TMPRSS9: variants seen among roughly 807,000 people sequenced by gnomAD.
TMPRSS9 encodes transmembrane serine protease 9, also known as transmembrane protease serine 9.
TMPRSS9 carries 113 observed loss-of-function variants against 111.4 expected under a neutral mutation model. The ratio of observed to expected loss-of-function variants is 1.01; its 90% CI spans 0.87 to 1.19. TMPRSS9 has a LOEUF of 1.19. Ranked by LOEUF, TMPRSS9 falls within the 50% of genes most tolerant of loss-of-function variation. TMPRSS9 has a pLI of 0.00. For synonymous variants in TMPRSS9, 805 were observed against 659.1 expected (o/e 1.22, Z -3.39); for missense variants, 1,803 against 1,513.1 (o/e 1.19, Z -3.18).
At chr19:2,395,895 C>G (rs973283940) in intron 1 of TMPRSS9, among the ~76,000 whole-genome samples, 1 of 151,944 alleles carries the variant, frequency 6.6e-6, no homozygotes, top group Non-Finnish European at 1.5e-5. Flanking sequence ...GTAGTCCCAG[C>G]TACTCGGGAG....
intron 1 of TMPRSS9, among the ~76,000 whole-genome samples, chr19:2,394,604 G>C (rs140507923): frequency 1.4e-5 from 1 of 72,130 alleles, no homozygotes; most frequent in East Asian, 4.5e-4. Flanking sequence ...TGTTTCTTTA[G>C]TTTCTTGAAC....
At chr19:2,385,109 A>G (rs1331271103), upstream of TMPRSS9, among the ~76,000 whole-genome samples, 1 of 147,506 alleles carries the variant, frequency 6.8e-6, no homozygotes, top group Admixed American at 7.0e-5. Flanking sequence ...TGGCCCATCC[A>G]TTGGTGAGAA....
chr19:2,379,681 T>TTC (rs1320308733), intron 1 of TMPRSS9, among the ~76,000 whole-genome samples: 15 of 79,174 alleles, frequency 1.9e-4, no homozygotes, highest in African/African-American at 4.5e-4. Context: ...TTCTTTCTCT[T>TTC]TTTCTTTCTT....
At chr19:2,400,847 G>C (rs536428725) in intron 4 of TMPRSS9, among the ~76,000 whole-genome samples, 1 of 151,260 alleles carries the variant, frequency 6.6e-6, no homozygotes, top group African/African-American at 2.4e-5. Context: ...GGTGGCGGGC[G>C]CCTATAATCC....
At chr19:2,415,840 C>A in exon 11 of TMPRSS9, 1 of 1,581,448 alleles carries the variant, frequency 6.3e-7, no homozygotes, top group East Asian at 2.3e-5. Context: ...CTGCTTCAAC[C>A]AGTAAGGCCC....
intron 1 of TMPRSS9, among the ~76,000 whole-genome samples, chr19:2,391,740 C>T (rs1216260170): frequency 5.9e-4 from 79 of 132,970 alleles, no homozygotes; most frequent in South Asian, 2.1e-3. Flanking sequence ...GAAAGGAAGT[C>T]TTTTTTTTTT....
intron 1 of TMPRSS9, among the ~76,000 whole-genome samples, chr19:2,374,244 C>G (rs1970312250): frequency 8.5e-6 from 1 of 117,646 alleles, no homozygotes; most frequent in Non-Finnish European, 1.8e-5. Flanking sequence ...TTTCTCTCAA[C>G]AATCTTTTTT....
intron 1 of TMPRSS9, among the ~76,000 whole-genome samples, chr19:2,394,739 G>C (rs558515972): frequency 6.6e-6 from 1 of 152,064 alleles, no homozygotes; most frequent in African/African-American, 2.4e-5. Flanking sequence ...AGCTTTCACG[G>C]TTTACGCGGT....
In TMPRSS9 at chr19:2,375,591, G is replaced by A. The variant is rs563720554; in HGVS notation, c.-25-14170G>A. On this transcript the variant is annotated intron_variant, in intron 1 of 17. Coordinates refer to the TMPRSS9 transcript ENST00000649857. ...GATTGGCAGGCCAGGGTCCAGTGTG[G>A]ACCAATCACTGGCTGGAGATGGAAG... Among the ~76,000 whole-genome samples, 3 of 152,266 alleles carry A rather than the reference G, an allele frequency of 2.0e-5. 1 individual carries two copies. The Middle Eastern group carries it at 0.01, about 518-fold the overall frequency.
chr19:2,404,020 T>C (rs1166567333), intron 6 of TMPRSS9, among the ~76,000 whole-genome samples: 1 of 143,730 alleles, frequency 7.0e-6, no homozygotes, highest in African/African-American at 2.6e-5. Flanking sequence ...GAAAAAAAAA[T>C]TAGCCAGCGT....
At chr19:2,368,458 G>A (rs1029019867) in intron 1 of TMPRSS9, among the ~76,000 whole-genome samples, 1 of 152,330 alleles carries the variant, frequency 6.6e-6, no homozygotes, top group Non-Finnish European at 1.5e-5. Flanking sequence ...GATCGGCGAG[G>A]AGGCCAGTGA....
chr19:2,363,589 G>A (rs551462375), intron 1 of TMPRSS9, among the ~76,000 whole-genome samples: 2 of 151,962 alleles, frequency 1.3e-5, no homozygotes, highest in Non-Finnish European at 2.9e-5. Flanking sequence ...GCAACTGTGG[G>A]TGATGGAGCT....
chr19:2,398,924 G>A, intron 3 of TMPRSS9, 62 bp downstream of exon 4: 10 of 1,529,862 alleles, frequency 6.5e-6, no homozygotes, highest in South Asian at 2.4e-5. Flanking sequence ...TTCTGGAGGA[G>A]TCCAGAAAAG....
chr19:2,393,642 G>A (rs1970646208), intron 1 of TMPRSS9, among the ~76,000 whole-genome samples: 1 of 152,134 alleles, frequency 6.6e-6, no homozygotes, highest in Non-Finnish European at 1.5e-5. Context: ...GCTCACCCCG[G>A]TAATCCCAGC....
chr19:2,423,893 A>T (rs902929203), intron 14 of TMPRSS9, among the ~76,000 whole-genome samples, 196 bp from the exon 16 acceptor site: 3 of 152,180 alleles, frequency 2.0e-5, no homozygotes, highest in Admixed American at 2.0e-4. Context: ...TGCATTTCCA[A>T]TGTTATTTGA....
At chr19:2,378,235 A>C (rs891081181) in intron 1 of TMPRSS9, among the ~76,000 whole-genome samples, 1 of 152,128 alleles carries the variant, frequency 6.6e-6, no homozygotes, top group Admixed American at 6.6e-5. Context: ...CAGGACAAAA[A>C]TAGACTCAGA....
intron 4 of TMPRSS9, among the ~76,000 whole-genome samples, chr19:2,400,352 G>A (rs1027484784): frequency 2.6e-5 from 4 of 152,012 alleles, no homozygotes; most frequent in Middle Eastern, 3.2e-3. Flanking sequence ...GACCAGCCTG[G>A]CCAACATGGC....
At chr19:2,392,023 T>C (rs1027660753) in intron 1 of TMPRSS9, among the ~76,000 whole-genome samples, 2 of 151,454 alleles carry the variant, frequency 1.3e-5, no homozygotes, top group Non-Finnish European at 2.9e-5. Context: ...ATTACAGACA[T>C]GAGCCACCAC....
chr19:2,366,743 G>C (rs181470882), intron 1 of TMPRSS9, among the ~76,000 whole-genome samples: 18 of 151,554 alleles, frequency 1.2e-4, no homozygotes, highest in Middle Eastern at 3.4e-3. Flanking sequence ...TGTAGTCCCA[G>C]CTACTCAGGA....
Sources: allele counts gnomAD v4.1 joint callset (sites outside exome capture counted in the v4.1 genomes callset), GRCh38; gene constraint gnomAD v4.1.1; transcripts MANE v1.5; gene names NCBI Gene and HGNC (gene_info 2026-07-23, HGNC 2026-07-21).